The following TMTC4 variants were observed in gnomAD, a reference collection of about 807,000 sequenced individuals.
TMTC4 encodes the protein protein O-mannosyl-transferase TMTC4.
A neutral mutation model predicts 86.0 loss-of-function variants in TMTC4; 65 were observed. The ratio of observed to expected loss-of-function variants is 0.76; its 90% confidence interval spans 0.62 to 0.93. The LOEUF (loss-of-function observed/expected upper bound fraction) is 0.93, where lower values mean the gene tolerates loss of function less well. Among genes scored for constraint, TMTC4 ranks in the 40% least tolerant of loss-of-function variants. TMTC4 has a pLI of 0.00. For missense variants in TMTC4, 866 were observed against 948.1 expected (o/e 0.91, Z 1.14); for synonymous variants, 379 against 382.5 (o/e 0.99, Z 0.11).
chr13:100,615,209 C>T (rs886277638), intron 15 of TMTC4, among the ~76,000 whole-genome samples: 2 of 152,030 alleles, frequency 1.3e-5, no homozygotes, highest in African/African-American at 2.4e-5. Flanking sequence ...GCGATCTCGG[C>T]TCACTGCAAC....
intron 7 of TMTC4, among the ~76,000 whole-genome samples, chr13:100,639,382 G>A (rs1210142593): frequency 6.6e-6 from 1 of 152,170 alleles, no homozygotes; most frequent in Non-Finnish European, 1.5e-5. Context: ...TTTCTGCCTG[G>A]TTGAAAACCA....
chr13:100,664,695 C>T (rs1020783065), intron 3 of TMTC4, among the ~76,000 whole-genome samples: 2 of 152,164 alleles, frequency 1.3e-5, no homozygotes, highest in African/African-American at 4.8e-5. Flanking sequence ...CATGGCTCAA[C>T]TCCTTCCGCC....
intron 9 of TMTC4, among the ~76,000 whole-genome samples, chr13:100,636,986 CA>C (rs1256469277): frequency 6.6e-6 from 1 of 152,148 alleles, no homozygotes; most frequent in Non-Finnish European, 1.5e-5. Context: ...ATATTTCTGG[CA>C]AAGCTATGAT....
At chr13:100,615,242 A>G (rs1248353236) in intron 15 of TMTC4, among the ~76,000 whole-genome samples, 6 of 147,798 alleles carry the variant, frequency 4.1e-5, no homozygotes, top group Admixed American at 1.4e-4. Context: ...GGTTCATGTG[A>G]TTCTCCCGCT....
In TMTC4 at chr13:100,642,208, C is replaced by T. The variant is rs769322362; in HGVS notation, c.741+3G>A. ...CAGGCCCCAGCCATGTTGCGGCTCT[C>T]ACCAGCACAGTGATCCCTTGCTCTT... On this transcript the variant is annotated splice_donor_region_variant and intron_variant, in intron 7 of 18. Transcript: ENST00000342624. 3.7e-6 allele frequency: 6 copies of T among 1,614,160 alleles called. No homozygotes were observed. The highest frequency in any genetic ancestry group is 2.2e-5 in the East Asian group (1 of 44,872).
At chr13:100,642,333 C>A in intron 6 of TMTC4, 22 bp from the exon 7 acceptor site, 1 of 1,613,740 alleles carries the variant, frequency 6.2e-7, no homozygotes, top group Non-Finnish European at 8.5e-7. Flanking sequence ...GAGAAATGAT[C>A]AGTGCAAAAG....
In TMTC4 at chr13:100,670,369, G is replaced by A. The variant is rs752187899; in HGVS notation, c.-7C>T. ...AGGCAACGGGACACACCATTCCATG[G>A]TGATGCTGTCCCCTTCCAGGGGCCA... On this transcript the variant is annotated 5_prime_UTR_variant, in exon 2 of 19. Coordinates refer to ENST00000342624, the MANE Select transcript of TMTC4 (RefSeq NM_032813.5). 4 of 1,608,078 alleles carry A rather than the reference G, an allele frequency of 2.5e-6. No homozygotes were observed. In the South Asian group the frequency reaches 4.5e-5, roughly 18 times the overall value.
At chr13:100,673,920 T>G in intron 1 of TMTC4, 1 of 521,234 alleles carries the variant, frequency 1.9e-6, no homozygotes, top group Non-Finnish European at 2.5e-6. Flanking sequence ...ATTCTCCCCA[T>G]GCATTTATTT....
intron 6 of TMTC4, among the ~76,000 whole-genome samples, chr13:100,644,597 G>A (rs775369655): frequency 1.3e-5 from 2 of 152,190 alleles, no homozygotes; most frequent in Non-Finnish European, 2.9e-5. Context: ...ACAGTCTCCA[G>A]CAGCAGCAGA....
chr13:100,659,989 G>C (rs1368937289), intron 5 of TMTC4, among the ~76,000 whole-genome samples: 1 of 150,242 alleles, frequency 6.7e-6, no homozygotes, highest in Non-Finnish European at 1.5e-5. Flanking sequence ...TGAAATGCTG[G>C]AGAGTGGTAA....
At chr13:100,616,890 C>A (rs998673265) in intron 15 of TMTC4, among the ~76,000 whole-genome samples, 2 of 152,048 alleles carry the variant, frequency 1.3e-5, no homozygotes, top group African/African-American at 2.4e-5. Context: ...TGATTTGTTA[C>A]TTATAGATCT....
rs147968948 is a variant in TMTC4, at chr13:100,611,127, C to T, written c.2064+1271G>A. Among the ~76,000 whole-genome samples the T allele has an allele frequency of 2.4e-3, 361 of 152,286 alleles. 4 individuals are homozygous for T. Among genetic ancestry groups the T allele is most frequent in the Admixed American group, 0.017 (260 of 15,296 alleles). ...TAAACAGAAAAAGAGAAGTGAATAA[C>T]ACTGGACAGATATTAGCTAGTTGCT... On this transcript the variant is annotated intron_variant, in intron 17 of 18. Transcript: ENST00000342624.
intron 17 of TMTC4, among the ~76,000 whole-genome samples, chr13:100,609,920 G>C (rs898699738): frequency 3.9e-5 from 6 of 152,250 alleles, no homozygotes. Context: ...CAGATATAAC[G>C]AGAACACTCA....
chr13:100,674,924 G>GC (rs1041477078), upstream of TMTC4: 92 of 984,502 alleles, frequency 9.3e-5, no homozygotes, highest in South Asian at 3.3e-4. Flanking sequence ...GTCTCGGCCC[G>GC]CCCCCTCCGC....
chr13:100,653,815 GC>G (rs778375348), intron 6 of TMTC4, among the ~76,000 whole-genome samples: 2 of 152,178 alleles, frequency 1.3e-5, no homozygotes, highest in Non-Finnish European at 2.9e-5. Context: ...GCCTGCCAGG[GC>G]AGGTGGACAC....
chr13:100,627,860 G>A (rs374335872), intron 12 of TMTC4, among the ~76,000 whole-genome samples: 3 of 152,120 alleles, frequency 2.0e-5, no homozygotes, highest in East Asian at 3.9e-4. Flanking sequence ...TGTGAGTGGG[G>A]GAGAAGCAGG....
intron 15 of TMTC4, 87 bp downstream of exon 15, chr13:100,625,448 C>T (rs1880324563): frequency 1.3e-6 from 2 of 1,522,956 alleles, no homozygotes; most frequent in Non-Finnish European, 1.8e-6. Flanking sequence ...AATGTATGGG[C>T]TAGGTGGGTG....
At chr13:100,663,568 T>G (rs113273173) in intron 4 of TMTC4, among the ~76,000 whole-genome samples, 3 of 152,312 alleles carry the variant, frequency 2.0e-5, no homozygotes, top group African/African-American at 7.2e-5. Context: ...TAAGACAGTC[T>G]TATAACTTGC....
intron 15 of TMTC4, among the ~76,000 whole-genome samples, chr13:100,623,441 C>G (rs1433178638): frequency 6.6e-6 from 1 of 152,192 alleles, no homozygotes; most frequent in Non-Finnish European, 1.5e-5. Flanking sequence ...CCATGTTGGC[C>G]AGGCTGGTCT....
Sources: gnomAD v4.1 joint callset for allele counts (sites outside exome capture counted in the v4.1 genomes callset) on GRCh38, gnomAD v4.1.1 for gene constraint, MANE v1.5 for transcripts, NCBI Gene and HGNC (gene_info 2026-07-23, HGNC 2026-07-21) for gene names.